Variants in HPSE2 observed in about 807,000 individuals in gnomAD.
HPSE2 encodes the protein heparanase 2 (inactive).
A neutral mutation model predicts 60.5 loss-of-function variants in HPSE2; 38 were observed. That is an observed-to-expected ratio of 0.63 (90% CI 0.48 to 0.82). The LOEUF is 0.82. HPSE2 is among the 40% of genes least tolerant of loss of function. The pLI is 0.00. For synonymous variants in HPSE2, 295 were observed against 293.2 expected (o/e 1.01, Z -0.06); for missense variants, 713 against 740.4 (o/e 0.96, Z 0.43).
At chr10:98,740,845 T>C (rs549551554) in intron 4 of HPSE2, among the ~76,000 whole-genome samples, 3 of 152,262 alleles carry the variant, frequency 2.0e-5, no homozygotes, top group African/African-American at 7.2e-5. Context: ...ATGGCTAGAA[T>C]ATTGGAGAAA....
chr10:98,971,794 G>A (rs375974627), intron 3 of HPSE2, among the ~76,000 whole-genome samples: 31 of 152,150 alleles, frequency 2.0e-4, no homozygotes, highest in African/African-American at 5.1e-4. Flanking sequence ...GAGAATTCCC[G>A]TGGGGGCATA....
intron 3 of HPSE2, among the ~76,000 whole-genome samples, chr10:98,982,675 A>G (rs889718311): frequency 2.6e-5 from 4 of 152,170 alleles, no homozygotes; most frequent in Non-Finnish European, 5.9e-5. Context: ...TCTAGATAAG[A>G]TTATAATCCT....
chr10:98,499,631 C>T (rs1392672543), intron 9 of HPSE2, among the ~76,000 whole-genome samples: 2 of 152,086 alleles, frequency 1.3e-5, no homozygotes, highest in Non-Finnish European at 2.9e-5. Context: ...AACCAAGGTA[C>T]ACAGGCAACA....
At chr10:99,048,329 A>G in intron 3 of HPSE2, 1 of 399,736 alleles carries the variant, frequency 2.5e-6, no homozygotes. Context: ...TATTTTTCTA[A>G]GCTGGTCAGT....
chr10:99,306,369 C>T, the HPSE2 span, among the ~76,000 whole-genome samples: 3 of 152,086 alleles, frequency 2.0e-5, no homozygotes, highest in African/African-American at 4.8e-5. Context: ...GTTCAAACCA[C>T]GTAAGCCCTG....
intron 8 of HPSE2, among the ~76,000 whole-genome samples, chr10:98,618,614 T>A (rs548614555): frequency 1.1e-3 from 169 of 152,248 alleles, no homozygotes; most frequent in African/African-American, 4.0e-3. Context: ...GGACGGAGTC[T>A]TGCTCTGTTG....
intron 2 of HPSE2, among the ~76,000 whole-genome samples, chr10:99,164,824 G>A (rs113366176): frequency 0.018 from 2,715 of 152,132 alleles, 91 homozygotes; most frequent in African/African-American, 0.061. Context: ...GGTGGCTCAC[G>A]CCTGTAATCC....
intron 3 of HPSE2, among the ~76,000 whole-genome samples, chr10:98,810,071 C>G (rs1951134467): frequency 6.6e-6 from 1 of 152,126 alleles, no homozygotes; most frequent in Admixed American, 6.5e-5. Flanking sequence ...CTACCACTCC[C>G]CTAAGGAGAA....
chr10:99,271,319 A>C, the HPSE2 span, among the ~76,000 whole-genome samples: 1 of 152,372 alleles, frequency 6.6e-6, no homozygotes, highest in Non-Finnish European at 1.5e-5. Context: ...TACAGAAATC[A>C]GTAGCTCTGC....
chr10:99,028,833 T>C (rs1957435626), intron 3 of HPSE2, among the ~76,000 whole-genome samples: 1 of 152,084 alleles, frequency 6.6e-6, no homozygotes, highest in Admixed American at 6.6e-5. Context: ...ACAATCTACA[T>C]ACCTACAGTG....
At chr10:98,525,300 T>G (rs941153182) in intron 9 of HPSE2, among the ~76,000 whole-genome samples, 3 of 152,242 alleles carry the variant, frequency 2.0e-5, no homozygotes, top group East Asian at 1.9e-4. Flanking sequence ...CATGAGCCAC[T>G]GCGCTGGGCC....
chr10:99,094,797 T>A (rs1843663594), intron 3 of HPSE2, among the ~76,000 whole-genome samples: 1 of 151,640 alleles, frequency 6.6e-6, no homozygotes, highest in East Asian at 2.0e-4. Flanking sequence ...CCTCTAGTGG[T>A]CCGCCCACCT....
intron 3 of HPSE2, among the ~76,000 whole-genome samples, chr10:98,999,439 G>A (rs540570904): frequency 9.9e-5 from 15 of 152,062 alleles, no homozygotes; most frequent in Non-Finnish European, 2.1e-4. Context: ...TTATAGATGA[G>A]GAAACAATGG....
chr10:98,836,027 G>A (rs980176094), intron 3 of HPSE2, among the ~76,000 whole-genome samples: 1 of 152,164 alleles, frequency 6.6e-6, no homozygotes, highest in Non-Finnish European at 1.5e-5. Context: ...AAGGGGCCTA[G>A]TCAACATGAG....
chr10:98,547,301 C>T (rs1229057504), intron 9 of HPSE2, among the ~76,000 whole-genome samples: 1 of 139,062 alleles, frequency 7.2e-6, no homozygotes, highest in Non-Finnish European at 1.5e-5. Flanking sequence ...CATCCCATTA[C>T]TGGGTATATA....
At chr10:99,300,367 G>A in the HPSE2 span, among the ~76,000 whole-genome samples, 1 of 152,178 alleles carries the variant, frequency 6.6e-6, no homozygotes, top group Non-Finnish European at 1.5e-5. Context: ...GGTAACTCCT[G>A]ATGGAACAGG....
chr10:98,770,999 T>C (rs1187413112), intron 3 of HPSE2, among the ~76,000 whole-genome samples: 1 of 152,156 alleles, frequency 6.6e-6, no homozygotes, highest in Non-Finnish European at 1.5e-5. Flanking sequence ...GCAATAATTC[T>C]GGGATTTAAA....
chr10:98,711,226 G>C (rs767886355), intron 5 of HPSE2, among the ~76,000 whole-genome samples: 1 of 152,010 alleles, frequency 6.6e-6, no homozygotes, highest in Non-Finnish European at 1.5e-5. Context: ...AGCAAAGAAG[G>C]CTCTAATAAC....
chr10:98,661,167 A>G (rs1947213783), intron 6 of HPSE2, among the ~76,000 whole-genome samples: 1 of 152,240 alleles, frequency 6.6e-6, no homozygotes, highest in Admixed American at 6.5e-5. Context: ...GAGGCTGATG[A>G]AGGTAATGGG....
Sources: allele counts gnomAD v4.1 joint callset (sites outside exome capture counted in the v4.1 genomes callset), GRCh38; gene constraint gnomAD v4.1.1; transcripts MANE v1.5; gene names NCBI Gene and HGNC (gene_info 2026-07-23, HGNC 2026-07-21).